The following SPOCK1 variants were observed in gnomAD, a reference collection of about 807,000 sequenced individuals.
SPOCK1 encodes the protein SPARC (osteonectin), cwcv and kazal like domains proteoglycan 1.
A neutral mutation model predicts 55.3 loss-of-function variants in SPOCK1; 23 were observed. The observed-to-expected ratio is 0.42, with a 90% CI of 0.30 to 0.59. The LOEUF (loss-of-function observed/expected upper bound fraction) is 0.59, where lower values mean the gene tolerates loss of function less well. Ranked by LOEUF, SPOCK1 falls within the 20% of genes least tolerant of loss-of-function variation. The pLI is 0.22. For missense variants in SPOCK1, 499 were observed against 552.5 expected, an observed-to-expected ratio of 0.90 and a Z score of 0.97; for synonymous variants, 226 against 221.0, an observed-to-expected ratio of 1.02 and a Z score of -0.20.
At chr5:137,055,404 A>G (rs778732159) in intron 6 of SPOCK1, among the ~76,000 whole-genome samples, 3 of 152,214 alleles carry the variant, frequency 2.0e-5, no homozygotes, top group Non-Finnish European at 4.4e-5. Context: ...TAAGCTTTAA[A>G]TTTTAAATAT....
chr5:137,309,704 T>C (rs13360535), intron 2 of SPOCK1, among the ~76,000 whole-genome samples: 28,446 of 152,042 alleles, frequency 0.19, 2,759 homozygotes, highest in East Asian at 0.27. Flanking sequence ...TGTGTTTCTA[T>C]GTGTGCAGAT....
At chr5:137,191,931 A>T (rs571223204) in intron 3 of SPOCK1, among the ~76,000 whole-genome samples, 3 of 152,262 alleles carry the variant, frequency 2.0e-5, no homozygotes, top group East Asian at 3.9e-4. Flanking sequence ...AGCAGTATGA[A>T]AAACAAGCGG....
At chr5:137,116,024 A>G (rs1331460913) in intron 4 of SPOCK1, among the ~76,000 whole-genome samples, 1 of 152,182 alleles carries the variant, frequency 6.6e-6, no homozygotes, top group East Asian at 1.9e-4. Flanking sequence ...CTGGGGTGAC[A>G]CAACAATTTA....
chr5:137,175,133 T>C (rs1754830617), intron 3 of SPOCK1, among the ~76,000 whole-genome samples: 1 of 152,046 alleles, frequency 6.6e-6, no homozygotes, highest in Non-Finnish European at 1.5e-5. Flanking sequence ...CAAATTACTA[T>C]GGAAATGAGT....
chr5:137,033,423 C>T (rs1751822151), intron 6 of SPOCK1, among the ~76,000 whole-genome samples: 1 of 152,212 alleles, frequency 6.6e-6, no homozygotes, highest in Non-Finnish European at 1.5e-5. Context: ...ATTGAAATGC[C>T]CCACGTCTGT....
chr5:137,326,997 AAAACAAAC>A (rs141419475), intron 2 of SPOCK1, among the ~76,000 whole-genome samples: 2 of 152,004 alleles, frequency 1.3e-5, no homozygotes, highest in East Asian at 1.9e-4. Flanking sequence ...CTTAAATTCT[AAAACAAAC>A]AAACAAACAA....
At chr5:137,066,991 G>A (rs6874439) in intron 6 of SPOCK1, among the ~76,000 whole-genome samples, 1 of 130,936 alleles carries the variant, frequency 7.6e-6, no homozygotes, top group Non-Finnish European at 1.7e-5. Context: ...CACACACAGA[G>A]AGAGAGAGAG....
At chr5:137,278,783 G>A (rs1561491673) in intron 2 of SPOCK1, among the ~76,000 whole-genome samples, 1 of 152,124 alleles carries the variant, frequency 6.6e-6, no homozygotes. Context: ...CTGACCCCTT[G>A]GACAGAGAGA....
intron 3 of SPOCK1, among the ~76,000 whole-genome samples, chr5:137,208,108 T>C (rs920183872): frequency 2.6e-5 from 4 of 152,206 alleles, no homozygotes; most frequent in Admixed American, 1.3e-4. Context: ...TGTCTTTTTC[T>C]CTTTGCCCCC....
At chr5:137,160,198 A>C (rs1031049547) in intron 3 of SPOCK1, among the ~76,000 whole-genome samples, 1 of 151,210 alleles carries the variant, frequency 6.6e-6, no homozygotes, top group Non-Finnish European at 1.5e-5. Flanking sequence ...CATATCAGTG[A>C]GAACATACGA....
chr5:137,253,865 C>T (rs1486256632), intron 3 of SPOCK1, among the ~76,000 whole-genome samples: 2 of 152,222 alleles, frequency 1.3e-5, no homozygotes, highest in Non-Finnish European at 2.9e-5. Flanking sequence ...GTTCAAATGT[C>T]CACACACTGC....
chr5:137,194,785 G>A lies in SPOCK1; in HGVS notation c.233-54091C>T, dbSNP rs137998377. The stretch of plus-strand genomic sequence containing the variant: ...TGAGCACTCTCCTCTCCAGGTCCAC[G>A]AAGACTCAGTGAAAGCTCCCATCTG... On this transcript the variant is annotated intron_variant, in intron 3 of 10. Transcript: ENST00000394945. 1.0e-3 allele frequency among the ~76,000 whole-genome samples: 157 copies of A among 152,180 alleles called. 4 individuals are homozygous for A. The Middle Eastern group carries it at 0.014, about 13-fold the overall frequency.
chr5:137,086,478 G>C (rs974828583), intron 5 of SPOCK1, among the ~76,000 whole-genome samples: 1 of 152,190 alleles, frequency 6.6e-6, no homozygotes, highest in African/African-American at 2.4e-5. Flanking sequence ...CAGGCTCTTT[G>C]TTTACTCTGA....
At chr5:137,265,419 C>G (rs902469732) in intron 3 of SPOCK1, among the ~76,000 whole-genome samples, 7 of 152,132 alleles carry the variant, frequency 4.6e-5, no homozygotes, top group African/African-American at 1.7e-4. Flanking sequence ...ATTGAGTTAC[C>G]TTTGCAAGCA....
intron 2 of SPOCK1, among the ~76,000 whole-genome samples, chr5:137,420,203 T>A (rs1269760460): frequency 6.6e-6 from 1 of 152,258 alleles, no homozygotes; most frequent in African/African-American, 2.4e-5. Context: ...TTTGCCAGTA[T>A]TTTATTGAGA....
At chr5:137,374,373 TAGTGAAAAATGGGTATGAGAAC>T (rs1164982382) in intron 2 of SPOCK1, among the ~76,000 whole-genome samples, 2 of 152,142 alleles carry the variant, frequency 1.3e-5, no homozygotes, top group Non-Finnish European at 1.5e-5. Context: ...CCCAGGTACA[TAGTGAAAAATGGGTATGAGAAC>T]TAGAGCTCTA....
intron 6 of SPOCK1, among the ~76,000 whole-genome samples, chr5:137,044,640 T>C (rs996428282): frequency 6.6e-6 from 1 of 152,026 alleles, no homozygotes; most frequent in African/African-American, 2.4e-5. Flanking sequence ...AAATGACTAT[T>C]TCTTTTTTTT....
chr5:137,054,695 G>A (rs191259085), intron 6 of SPOCK1, among the ~76,000 whole-genome samples: 8 of 152,312 alleles, frequency 5.3e-5, no homozygotes, highest in African/African-American at 1.7e-4. Context: ...GTCAGTCTCT[G>A]CCATATGGAG....
At chr5:137,322,005 A>G (rs1757989403) in intron 2 of SPOCK1, among the ~76,000 whole-genome samples, 1 of 152,234 alleles carries the variant, frequency 6.6e-6, no homozygotes, top group South Asian at 2.1e-4. Flanking sequence ...CCGCCTTATA[A>G]GAAAAGCTAA....
Sources: gnomAD v4.1 joint callset for allele counts (sites outside exome capture counted in the v4.1 genomes callset) on GRCh38, gnomAD v4.1.1 for gene constraint, MANE v1.5 for transcripts, NCBI Gene and HGNC (gene_info 2026-07-23, HGNC 2026-07-21) for gene names.